The following CNTN5 variants were observed in gnomAD, a reference collection of about 807,000 sequenced individuals.
CNTN5 encodes the protein contactin-5.
In CNTN5, 77 loss-of-function variants were observed where a neutral mutation model predicts 129.1. The ratio of observed to expected loss-of-function variants is 0.60; its 90% confidence interval spans 0.50 to 0.72. The LOEUF is 0.72. CNTN5 is among the 30% of genes least tolerant of loss of function. The pLI is 0.00. For missense variants in CNTN5, 1,478 were observed against 1,328.8 expected, an observed-to-expected ratio of 1.11 and a Z score of -1.75; for synonymous variants, 509 against 465.6, an observed-to-expected ratio of 1.09 and a Z score of -1.20.
At chr11:99,907,028 A>C (rs2135973140) in intron 6 of CNTN5, among the ~76,000 whole-genome samples, 1 of 151,606 alleles carries the variant, frequency 6.6e-6, no homozygotes, top group Non-Finnish European at 1.5e-5. Context: ...CTTCTTTATT[A>C]ATCTGGCTAG....
chr11:99,712,603 T>TGGTTTTA (rs537369741), intron 3 of CNTN5, among the ~76,000 whole-genome samples: 1 of 152,178 alleles, frequency 6.6e-6, no homozygotes, highest in Non-Finnish European at 1.5e-5. Context: ...AGGGTTTTTA[T>TGGTTTTA]GGTTTTAGGT....
At position 100,271,115 on chromosome 11, in the gene CNTN5, A is replaced by G. The variant is rs761248354; in HGVS notation, c.2188A>G (p.Met730Val). ...KTVPEIITGD[M>V]ESAMAVDLNP... The stretch of plus-strand genomic sequence containing the variant: ...AGTCCCAGAAATCATAACAGGGGAC[A>G]TGGAGTCAGCCATGGCTGTGGACCT... The change falls in exon 18 of 25, where the codon ATG becomes GTG. Residue 730 changes from methionine (M) to valine (V), a missense_variant. Physicochemically the swap from Met to Val is conservative, Grantham distance 21. Coordinates refer to ENST00000524871, the MANE Select transcript of CNTN5 (RefSeq NM_014361.4). The G allele has an allele frequency of 6.2e-7, 1 of 1,611,092 alleles. No individual in the cohort carries two copies. Among genetic ancestry groups the G allele is most frequent in the South Asian group, 1.1e-5 (1 of 90,642 alleles).
chr11:99,817,620 T>C (rs979701595), intron 3 of CNTN5, among the ~76,000 whole-genome samples: 2 of 124,750 alleles, frequency 1.6e-5, no homozygotes, highest in Admixed American at 8.3e-5. Flanking sequence ...TTTTTTTTTT[T>C]CCTTTATAAA....
chr11:99,313,136 A>AT (rs1865189236), intron 1 of CNTN5, among the ~76,000 whole-genome samples: 1 of 149,196 alleles, frequency 6.7e-6, no homozygotes, highest in African/African-American at 2.5e-5. Flanking sequence ...TATCACTGCT[A>AT]TTTTCTCTAG....
rs181528779 is a variant in CNTN5, at chr11:99,971,987, C to T, written c.877+14978C>T. Reference sequence around the variant, plus strand: ...AAAAACGGGTGGGAGCGGTGGCTCACGCCTGTAATCCCAGCACTTTGGGAG... The same window carrying T: ...AAAAACGGGTGGGAGCGGTGGCTCATGCCTGTAATCCCAGCACTTTGGGAG... On this transcript the variant is annotated intron_variant, in intron 8 of 24. Coordinates refer to ENST00000524871, the MANE Select transcript of CNTN5 (RefSeq NM_014361.4). Among the ~76,000 whole-genome samples, 792 of 149,022 alleles carry T rather than the reference C, an allele frequency of 5.3e-3. 2 individuals are homozygous for T. Among genetic ancestry groups the T allele is most frequent in the Non-Finnish European group, 7.4e-3 (499 of 67,628 alleles).
intron 3 of CNTN5, among the ~76,000 whole-genome samples, chr11:99,770,210 G>C (rs746298184): frequency 1.2e-4 from 19 of 152,016 alleles, no homozygotes; most frequent in Non-Finnish European, 2.2e-4. Flanking sequence ...ATAATATTAA[G>C]GTTTGCTTTA....
At chr11:99,323,795 A>T (rs1177050323) in intron 1 of CNTN5, among the ~76,000 whole-genome samples, 1 of 152,142 alleles carries the variant, frequency 6.6e-6, no homozygotes, top group Non-Finnish European at 1.5e-5. Flanking sequence ...TGCCTTTTTT[A>T]GTTTTTAATT....
At chr11:99,905,021 C>A (rs1042136700) in intron 6 of CNTN5, among the ~76,000 whole-genome samples, 3 of 152,114 alleles carry the variant, frequency 2.0e-5, no homozygotes, top group Middle Eastern at 3.2e-3. Context: ...AGTTTAAGTT[C>A]TTTGTAGATT....
chr11:99,319,701 T>G (rs1183865139), intron 1 of CNTN5, among the ~76,000 whole-genome samples: 1 of 152,112 alleles, frequency 6.6e-6, no homozygotes, highest in Non-Finnish European at 1.5e-5. Flanking sequence ...TTTTTTAAAT[T>G]TATATAAATT....
At chr11:99,152,170 T>C (rs1860093242) in intron 1 of CNTN5, among the ~76,000 whole-genome samples, 1 of 152,240 alleles carries the variant, frequency 6.6e-6, no homozygotes, top group Admixed American at 6.5e-5. Flanking sequence ...ACAGTCATTA[T>C]GATAATAAAC....
At position 99,460,628 on chromosome 11, in the gene CNTN5, C is replaced by T. The variant is rs376138355; in HGVS notation, c.-70-95517C>T. Among the ~76,000 whole-genome samples the T allele has an allele frequency of 6.5e-4, 99 of 152,058 alleles. 1 individual carries two copies. Among genetic ancestry groups the T allele is most frequent in the African/African-American group, 2.1e-3 (86 of 41,510 alleles). ...AGTAAAAGACATCCTCTGGCCAACA[C>T]GTATTAACTGACTGGACTTACCCTC... On this transcript the variant is annotated intron_variant, in intron 2 of 24. Coordinates refer to ENST00000524871, the MANE Select transcript of CNTN5 (RefSeq NM_014361.4).
intron 2 of CNTN5, among the ~76,000 whole-genome samples, chr11:99,429,752 T>C (rs928379258): frequency 1.3e-5 from 2 of 152,114 alleles, no homozygotes; most frequent in African/African-American, 4.8e-5. Context: ...ATAGGCCATA[T>C]AATATTTTTA....
At chr11:99,965,313 C>T (rs1951064486) in intron 8 of CNTN5, among the ~76,000 whole-genome samples, 1 of 151,722 alleles carries the variant, frequency 6.6e-6, no homozygotes. Context: ...TATAAATTTC[C>T]CTATACACAC....
chr11:99,462,363 T>TTTTC (rs1944742679), intron 2 of CNTN5, among the ~76,000 whole-genome samples: 2 of 139,464 alleles, frequency 1.4e-5, no homozygotes, highest in African/African-American at 5.2e-5. Context: ...TTCTTTTCTT[T>TTTTC]TTTTTTTTTT....
chr11:99,231,411 A>AT (rs1384760903), intron 1 of CNTN5, among the ~76,000 whole-genome samples: 2 of 152,102 alleles, frequency 1.3e-5, no homozygotes, highest in African/African-American at 2.4e-5. Context: ...GATGTTGAGC[A>AT]TTTTTTAATA....
chr11:99,640,733 T>C (rs1951740181), intron 3 of CNTN5, among the ~76,000 whole-genome samples: 1 of 152,204 alleles, frequency 6.6e-6, no homozygotes, highest in Non-Finnish European at 1.5e-5. Flanking sequence ...ACCTATAGTC[T>C]AAGTATGTAG....
At chr11:100,024,935 G>A (rs1941343181) in intron 9 of CNTN5, among the ~76,000 whole-genome samples, 1 of 152,196 alleles carries the variant, frequency 6.6e-6, no homozygotes, top group Non-Finnish European at 1.5e-5. Flanking sequence ...GCCTGACAAT[G>A]CGATAGAAAA....
At chr11:99,968,209 T>C (rs1951148065) in intron 8 of CNTN5, among the ~76,000 whole-genome samples, 4 of 152,162 alleles carry the variant, frequency 2.6e-5, no homozygotes, top group Admixed American at 2.6e-4. Flanking sequence ...AGATTTCAAT[T>C]AGTAACTTAA....
At chr11:100,329,687 C>T (rs1459444356) in intron 21 of CNTN5, among the ~76,000 whole-genome samples, 2 of 152,190 alleles carry the variant, frequency 1.3e-5, no homozygotes, top group Admixed American at 1.3e-4. Context: ...GCCAGAATAC[C>T]AGTAGCCCTG....
Sources: gnomAD v4.1 joint callset for allele counts (sites outside exome capture counted in the v4.1 genomes callset) on GRCh38, gnomAD v4.1.1 for gene constraint, MANE v1.5 for transcripts, NCBI Gene and HGNC (gene_info 2026-07-23, HGNC 2026-07-21) for gene names.